LRRCC1: variants seen among roughly 807,000 people sequenced by gnomAD.
LRRCC1 encodes leucine rich repeat and coiled-coil centrosomal protein 1.
A neutral mutation model predicts 126.0 loss-of-function variants in LRRCC1; 115 were observed. The observed-to-expected ratio is 0.91, with a 90% CI of 0.78 to 1.07. LRRCC1 has a LOEUF of 1.07. Among genes scored for constraint, LRRCC1 ranks in the 50% least tolerant of loss-of-function variants. LRRCC1 has a pLI of 0.00. For synonymous variants in LRRCC1, 400 were observed against 393.4 expected (o/e 1.02, Z -0.20); for missense variants, 1,172 against 1,175.7 (o/e 1.00, Z 0.05).
Position 85,131,838 on chromosome 8 carries a change from GA to G in LRRCC1, c.1850del (p.Lys617SerfsTer5), listed in dbSNP as rs1393297313. 1 of 1,613,302 alleles carries G rather than the reference GA, an allele frequency of 6.2e-7. No individual in the cohort carries two copies. The highest frequency in any genetic ancestry group is 8.5e-7 in the Non-Finnish European group (1 of 1,179,466). ...ALAKEIAKEE[K>X]KHEQMIKEYQ... is the part of the protein sequence containing the mutation. Reference sequence around the variant, plus strand: ...TAGCTAAAGAAATAGCCAAAGAAGAGAAAAAGCATGAGCAAATGATAAAAGA... The same window carrying G: ...TAGCTAAAGAAATAGCCAAAGAAGAGAAAAGCATGAGCAAATGATAAAAGA... On this transcript the variant is annotated frameshift_variant, in exon 12 of 19. Transcript: ENST00000360375. LOFTEE classifies it high-confidence loss of function.
intron 8 of LRRCC1, among the ~76,000 whole-genome samples, 155 bp downstream of exon 8, chr8:85,125,094 G>A (rs1809871725): frequency 6.6e-6 from 1 of 152,102 alleles, no homozygotes; most frequent in South Asian, 2.1e-4. Flanking sequence ...CAGATTTTAT[G>A]TAATGTTATT....
intron 8 of LRRCC1, among the ~76,000 whole-genome samples, chr8:85,125,692 G>A (rs545989292): frequency 2.8e-5 from 2 of 70,406 alleles, no homozygotes; most frequent in African/African-American, 6.1e-5. Flanking sequence ...AAAAAAAAGA[G>A]GTGTTCAAAA....
At chr8:85,124,549 A>G (rs1293381727) in intron 7 of LRRCC1, among the ~76,000 whole-genome samples, 1 of 152,114 alleles carries the variant, frequency 6.6e-6, no homozygotes, top group African/African-American at 2.4e-5. Context: ...ATTCTACCCT[A>G]CCTGAAAATG....
intron 17 of LRRCC1, among the ~76,000 whole-genome samples, chr8:85,139,909 T>C (rs973716289): frequency 6.6e-6 from 1 of 152,180 alleles, no homozygotes; most frequent in Non-Finnish European, 1.5e-5. Flanking sequence ...CTGCAGAAAG[T>C]TTTGGTTGAT....
chr8:85,129,001 C>T (rs1483396232), intron 9 of LRRCC1, among the ~76,000 whole-genome samples, 174 bp from the exon 10 acceptor site: 1 of 152,130 alleles, frequency 6.6e-6, no homozygotes, highest in Non-Finnish European at 1.5e-5. Flanking sequence ...TTCTCTGTGG[C>T]TTTCCCTGCC....
chr8:85,139,584 G>A (rs1181684064), intron 17 of LRRCC1, among the ~76,000 whole-genome samples: 1 of 152,142 alleles, frequency 6.6e-6, no homozygotes, highest in Non-Finnish European at 1.5e-5. Context: ...ATTTTAAAGA[G>A]AGGAAATAAA....
intron 9 of LRRCC1, 148 bp downstream of exon 9, chr8:85,126,985 G>A: frequency 1.5e-6 from 1 of 646,666 alleles, no homozygotes; most frequent in Non-Finnish European, 2.4e-6. Context: ...AGACAATTTA[G>A]CACTTTATTA....
In LRRCC1 at chr8:85,114,878, TATTTG is replaced by T. The variant is rs775075970; in HGVS notation, c.545-220_545-216del. ...ACTTTTTGAACTTCATCAGGAGGGT[TATTTG>T]AGAGGGATGGAGAGTGGAGGAGAAG... is the stretch of plus-strand genomic sequence containing the variant. On this transcript the variant is annotated intron_variant, in intron 4 of 18. Coordinates refer to ENST00000360375, the MANE Select transcript of LRRCC1 (RefSeq NM_033402.5). 7.2e-5 allele frequency among the ~76,000 whole-genome samples: 11 copies of T among 152,250 alleles called. No homozygotes were observed. In the South Asian group the frequency reaches 8.3e-4, roughly 11 times the overall value.
intron 9 of LRRCC1, 69 bp from the exon 10 acceptor site, chr8:85,129,106 T>A (rs922062405): frequency 1.8e-6 from 2 of 1,128,788 alleles, no homozygotes; most frequent in East Asian, 2.3e-5. Context: ...AGTACTCTCA[T>A]TGAAGTCAAC....
chr8:85,120,338 T>C (rs1456839578), intron 6 of LRRCC1, among the ~76,000 whole-genome samples: 1 of 152,186 alleles, frequency 6.6e-6, no homozygotes, highest in Non-Finnish European at 1.5e-5. Flanking sequence ...TTCTATCAAT[T>C]GTGGCATGAA....
In LRRCC1 at chr8:85,129,365, C is replaced by A. The variant is rs772033961; in HGVS notation, c.1612C>A (p.Gln538Lys). 1.2e-6 allele frequency: 2 copies of A among 1,610,852 alleles called. No homozygotes were observed. Among genetic ancestry groups the A allele is most frequent in the Non-Finnish European group, 1.7e-6 (2 of 1,179,110 alleles). Residue 538 changes from glutamine (Q) to lysine (K), a missense_variant, in exon 10 of 19, where the codon CAG becomes AAG. Gln to Lys is a moderately conservative substitution (Grantham distance 53). Transcript: ENST00000360375. The stretch of plus-strand genomic sequence containing the variant: ...AAAAATGGAGAGACAAAAAAGGCAG[C>A]AGCAGGCAGCACAGGTATTTCTCTA... ...LEKMERQKRQ[Q>K]QAAQIRLIQE...
intron 13 of LRRCC1, among the ~76,000 whole-genome samples, chr8:85,135,267 A>T (rs888929325): frequency 7.9e-5 from 12 of 152,230 alleles, no homozygotes; most frequent in Non-Finnish European, 1.8e-4. Context: ...ATGTTCAATT[A>T]AATAGGTGCC....
intron 18 of LRRCC1, among the ~76,000 whole-genome samples, chr8:85,142,843 AAAAAG>A (rs1811353092): frequency 1.2e-5 from 1 of 86,200 alleles, no homozygotes. Context: ...AAAAAAAAAA[AAAAAG>A]AAAAGAAAAG....
At chr8:85,134,078 A>G (rs1268237068) in intron 12 of LRRCC1, among the ~76,000 whole-genome samples, 1 of 152,042 alleles carries the variant, frequency 6.6e-6, no homozygotes, top group East Asian at 1.9e-4. Flanking sequence ...ACACATTTGC[A>G]TGGCTCCATT....
At chr8:85,133,845 A>C (rs2135983604) in intron 12 of LRRCC1, among the ~76,000 whole-genome samples, 1 of 152,282 alleles carries the variant, frequency 6.6e-6, no homozygotes, top group Non-Finnish European at 1.5e-5. Flanking sequence ...CAGCAGCTAG[A>C]ATGTTCTTTT....
chr8:85,131,984 T>C (rs1188066477), intron 12 of LRRCC1, 23 bp downstream of exon 12: 1 of 1,591,766 alleles, frequency 6.3e-7, no homozygotes, highest in Non-Finnish European at 8.6e-7. Flanking sequence ...ACCCAGCTTT[T>C]TATTGAAAAC....
intron 10 of LRRCC1, 110 bp downstream of exon 10, chr8:85,129,489 C>A: frequency 1.1e-6 from 1 of 898,338 alleles, no homozygotes; most frequent in Non-Finnish European, 1.7e-6. Context: ...AGGCCATATG[C>A]AAAAATTAAA....
chr8:85,139,563 G>A (rs1361046939), intron 17 of LRRCC1, among the ~76,000 whole-genome samples: 1 of 152,134 alleles, frequency 6.6e-6, no homozygotes, highest in Non-Finnish European at 1.5e-5. Context: ...ACCACGCCCG[G>A]CCGAGAGCCG....
Position 85,126,803 on chromosome 8 carries a change from G to C in LRRCC1, c.1387G>C (p.Asp463His). Reference sequence around the variant, plus strand: ...GCATAAACATGCAAATGAAAAAGAGGATATTCATAGTCTGGCTCTACTTAC... The same window carrying C: ...GCATAAACATGCAAATGAAAAAGAGCATATTCATAGTCTGGCTCTACTTAC... ...ELHKHANEKE[D>H]IHSLALLTTD... Residue 463 changes from aspartate (D) to histidine (H), a missense_variant, in exon 9 of 19, where the codon GAT becomes CAT. By Grantham distance (81) the Asp-to-His change is moderately conservative. Transcript: ENST00000360375. The C allele has an allele frequency of 6.2e-7, 1 of 1,612,210 alleles. No homozygotes were observed. Among genetic ancestry groups the C allele is most frequent in the Non-Finnish European group, 8.5e-7 (1 of 1,179,676 alleles).
Sources: allele counts gnomAD v4.1 joint callset (sites outside exome capture counted in the v4.1 genomes callset), GRCh38; gene constraint gnomAD v4.1.1; transcripts MANE v1.5; gene names NCBI Gene and HGNC (gene_info 2026-07-23, HGNC 2026-07-21).